The following ESPN variants were observed in gnomAD, a reference collection of about 807,000 sequenced individuals.
The protein encoded by ESPN is autosomal recessive deafness type 36 protein.
In ESPN, 68 loss-of-function variants were observed where a neutral mutation model predicts 77.7. The observed-to-expected ratio is 0.87, with a 90% CI of 0.72 to 1.07. The LOEUF is 1.07. ESPN is among the 50% of genes least tolerant of loss of function. ESPN has a pLI of 0.00. For missense variants in ESPN, 1,060 were observed against 1,239.0 expected, an observed-to-expected ratio of 0.86 and a Z score of 2.17; for synonymous variants, 449 against 567.1, an observed-to-expected ratio of 0.79 and a Z score of 2.96.
At chr1:6,457,608 AC>A (rs1644079686) in intron 12 of ESPN, among the ~76,000 whole-genome samples, 1 of 151,900 alleles carries the variant, frequency 6.6e-6, no homozygotes, top group African/African-American at 2.4e-5. Context: ...AGTTAACCTA[AC>A]CCCACTATCA....
chr1:6,444,762 C>T (rs561002237), intron 6 of ESPN, 80 bp downstream of exon 6: 18 of 1,530,996 alleles, frequency 1.2e-5, no homozygotes, highest in African/African-American at 2.7e-5. Context: ...GGCCTTGGGC[C>T]GCCCTGCCAC....
rs1553169574 is a variant in ESPN, at chr1:6,452,897, A to ATTTTTATT, written c.2325+806_2325+807insATTTTTTT. Among the ~76,000 whole-genome samples, 1,266 of 138,792 alleles carry ATTTTTATT rather than the reference A, an allele frequency of 9.1e-3. 19 individuals are homozygous for ATTTTTATT. Among genetic ancestry groups the ATTTTTATT allele is most frequent in the African/African-American group, 0.041 (1,215 of 29,278 alleles). 91.1% of individuals were successfully genotyped at this position (138,792 alleles called of 152,430 possible). A position where few individuals can be genotyped will look rare whatever the true frequency, so the allele number is the denominator to read the frequency against. ...TATTCCCCAAATGCCATTTATTTTT[A>ATTTTTATT]TTTTTTATTTTTTGAGACAGGGTCT... On this transcript the variant is annotated intron_variant, in intron 10 of 12. Transcript: ENST00000645284.
intron 2 of ESPN, among the ~76,000 whole-genome samples, chr1:6,435,282 T>C (rs768877578): frequency 2.8e-4 from 43 of 152,204 alleles, no homozygotes; most frequent in Non-Finnish European, 6.2e-4. Flanking sequence ...TGGGGAGGCA[T>C]GACTGGCAGT....
Position 6,425,056 on chromosome 1 carries a change from C to G in ESPN, c.101C>G (p.Pro34Arg). ...CTCCTGGGGCCCTCGCTGCGCGACC[C>G]GCTGGACGCGCTGCCCGTGCACCAC... is the stretch of plus-strand genomic sequence containing the variant. ...AGLLGPSLRDPLDALPVHHAA... is the reference protein window; with the variant it reads ...AGLLGPSLRDRLDALPVHHAA... Residue 34 changes from proline to arginine, a missense_variant, in exon 1 of 13, where the codon CCG becomes CGG. Pro to Arg is a moderately radical substitution (Grantham distance 103). This residue lies in a region of ESPN where 556 missense variants were observed against 633.6 expected (regional missense o/e 0.88). Coordinates refer to ENST00000645284, the MANE Select transcript of ESPN (RefSeq NM_031475.3). The G allele has an allele frequency of 4.1e-6, 6 of 1,471,114 alleles. No individual in the cohort carries two copies. Among genetic ancestry groups the G allele is most frequent in the Non-Finnish European group, 5.4e-6 (6 of 1,118,554 alleles). The allele number at this position is 1,471,114 out of a possible 1,614,324, so 91.1% of individuals were successfully genotyped here. A position where few individuals can be genotyped will look rare whatever the true frequency, so the allele number is the denominator to read the frequency against.
chr1:6,454,921 T>C (rs1287409549), intron 10 of ESPN: 7 of 386,144 alleles, frequency 1.8e-5, no homozygotes, highest in African/African-American at 1.5e-4. Context: ...CGCGAGGCTG[T>C]GGCGCGCGAG....
Position 6,428,791 on chromosome 1 carries a change from G to C in ESPN, c.488+372G>C, listed in dbSNP as rs970750333. Among the ~76,000 whole-genome samples the C allele has an allele frequency of 3.9e-5, 6 of 152,180 alleles. No homozygotes were observed. The highest frequency in any genetic ancestry group is 1.4e-4 in the African/African-American group (6 of 41,440). ...GCTCATTTGCAAGACTGTTCAGGAT[G>C]GAGTCGGGGGCAGCAAGGGCAGGAG... On this transcript the variant is annotated intron_variant, in intron 2 of 12. Transcript: ENST00000645284. The surrounding 1 kb of genome is among the most constrained non-coding windows in gnomAD (Gnocchi z 5.4).
chr1:6,440,606 T>TTCCC lies in ESPN; in HGVS notation c.676-20_676-19insTCCC. 1.4e-5 allele frequency: 12 copies of TTCCC among 870,450 alleles called. No homozygotes were observed. Among genetic ancestry groups the TTCCC allele is most frequent in the Middle Eastern group, 3.8e-4 (1 of 2,652 alleles). The allele number at this position is 870,450 out of a possible 1,614,324, so 53.9% of individuals were successfully genotyped here. On this transcript the variant is annotated intron_variant, in intron 3 of 12. Transcript: ENST00000645284. ...CTGGCGCCCAGCCCCCGCCCCCCTC[T>TTCCC]CCCCGCCCGTCCCGCCCAGGTGAGC...
At chr1:6,441,398 A>G (rs375287345) in intron 5 of ESPN, among the ~76,000 whole-genome samples, 7 of 152,174 alleles carry the variant, frequency 4.6e-5, no homozygotes, top group Non-Finnish European at 1.0e-4. Flanking sequence ...CTCTGCAGAA[A>G]AGAGTGTTTA....
At chr1:6,452,371 A>T (rs1379932425) in intron 10 of ESPN, among the ~76,000 whole-genome samples, 2 of 151,606 alleles carry the variant, frequency 1.3e-5, no homozygotes, top group Non-Finnish European at 2.9e-5. Context: ...CGCCCAGCTA[A>T]TTTTTTTGTA....
rs1326030344 is a variant in ESPN at position 6,450,011 on chromosome 1, C to T, written c.1915+920C>T. ...CCTATGGAGCCCCAGCCCCTGCAGA[C>T]CAGAGCCCATGTAAGCAAGTCCAGC... is the stretch of plus-strand genomic sequence containing the variant. On this transcript the variant is annotated intron_variant, in intron 8 of 12. Coordinates refer to ENST00000645284, the MANE Select transcript of ESPN (RefSeq NM_031475.3). The surrounding 1 kb of genome is among the most constrained non-coding windows in gnomAD (Gnocchi z 4.3). Among the ~76,000 whole-genome samples, 2 of 152,222 alleles carry T rather than the reference C, an allele frequency of 1.3e-5. No individual in the cohort carries two copies. Among genetic ancestry groups the T allele is most frequent in the African/African-American group, 4.8e-5 (2 of 41,460 alleles).
chr1:6,440,884 G>T (rs771961537), intron 4 of ESPN, 50 bp from the exon 5 acceptor site: 7 of 1,537,504 alleles, frequency 4.6e-6, no homozygotes, highest in Non-Finnish European at 6.1e-6. Flanking sequence ...CCCGGGCGCG[G>T]GGGTCCCAGC....
At chr1:6,440,591 G>GCCCCCCCCCC in intron 3 of ESPN, 35 bp from the exon 4 acceptor site, 1 of 1,066,458 alleles carries the variant, frequency 9.4e-7, no homozygotes, top group Non-Finnish European at 1.3e-6. Context: ...CTGGCGCCCA[G>GCCCCCCCCCC]CCCCCGCCCC....
rs3007414 is a variant in ESPN, at chr1:6,456,991, T to C, written c.2326-193T>C. On this transcript the variant is annotated intron_variant, in intron 10 of 12. Transcript: ENST00000645284. ...TCTCTCTGGTGCCTCCTGTAGGACA[T>C]GAGGGTCTGGGTTACTAGGGGAAAG... Among the ~76,000 whole-genome samples the C allele has an allele frequency of 0.3, 45,475 of 152,256 alleles. 10,587 individuals are homozygous for C. The highest frequency in any genetic ancestry group is 0.65 in the African/African-American group (27,140 of 41,538).
At position 6,460,054 on chromosome 1, in the gene ESPN, G is replaced by A. The variant is rs754208333; in HGVS notation, c.2473G>A (p.Glu825Lys). Reference protein sequence around the residue: ...EELRREKEQSEKLRTLGYDES... With the variant: ...EELRREKEQSKKLRTLGYDES... The stretch of plus-strand genomic sequence containing the variant: ...GCTGCGGCGGGAGAAGGAACAGTCA[G>A]AGAAGCTGCGGACGCTGGGCTACGA... The change falls in exon 13 of 13, where the codon GAG (glutamate) becomes AAG (lysine). Residue 825 changes from glutamate (E) to lysine (K), a missense_variant. Glu to Lys is a moderately conservative substitution (Grantham distance 56). Coordinates refer to ENST00000645284, the MANE Select transcript of ESPN (RefSeq NM_031475.3). 4.3e-6 allele frequency: 7 copies of A among 1,613,470 alleles called. No individual in the cohort carries two copies. Among genetic ancestry groups the A allele is most frequent in the African/African-American group, 2.7e-5 (2 of 74,946 alleles).
chr1:6,443,642 C>T (rs1358074473), intron 5 of ESPN, among the ~76,000 whole-genome samples: 1 of 152,226 alleles, frequency 6.6e-6, no homozygotes, highest in Non-Finnish European at 1.5e-5. Flanking sequence ...AGACGCTGGC[C>T]CAGAAAAGGC....
At chr1:6,426,723 G>A (rs1643049949) in intron 1 of ESPN, among the ~76,000 whole-genome samples, 1 of 152,126 alleles carries the variant, frequency 6.6e-6, no homozygotes, top group African/African-American at 2.4e-5. Flanking sequence ...TAGGAAGGGA[G>A]CGCCTTTCTC....
In ESPN at chr1:6,460,372, A is replaced by G. The variant is rs1312046754; in HGVS notation, c.*226A>G. On this transcript the variant is annotated 3_prime_UTR_variant, in exon 13 of 13. Coordinates refer to ENST00000645284, the MANE Select transcript of ESPN (RefSeq NM_031475.3). ...GAAAAAGTGCCCAAGCTGCTGACGC[A>G]AACAACAACAAATGCTGCTTATTTG... 6.9e-6 allele frequency: 4 copies of G among 578,864 alleles called. No homozygotes were observed. The highest frequency in any genetic ancestry group is 9.2e-6 in the Non-Finnish European group (3 of 325,072). The allele number at this position is 578,864 out of a possible 1,614,324, so 35.9% of individuals were successfully genotyped here.
At chr1:6,454,569 C>T in intron 10 of ESPN, 1 of 399,006 alleles carries the variant, frequency 2.5e-6, no homozygotes. Flanking sequence ...AATCGAGAAC[C>T]TGCAGGTGCT....
At chr1:6,455,420 C>T (rs1301391951) in intron 10 of ESPN, 4 of 393,436 alleles carry the variant, frequency 1.0e-5, no homozygotes, top group Non-Finnish European at 1.3e-5. Flanking sequence ...CGGACGCCCC[C>T]CGGCTGCCGG....
Sources: allele counts gnomAD v4.1 joint callset (sites outside exome capture counted in the v4.1 genomes callset), GRCh38; gene constraint gnomAD v4.1.1; regional missense constraint gnomAD v4.1.1; non-coding constraint Gnocchi (gnomAD v3.1); transcripts MANE v1.5; gene names NCBI Gene and HGNC (gene_info 2026-07-23, HGNC 2026-07-21).